Variants in DNAAF4 observed in about 807,000 individuals in gnomAD.
DNAAF4 encodes the protein dynein axonemal assembly factor 4.
In DNAAF4, 43 loss-of-function variants were observed where a neutral mutation model predicts 51.8. The ratio of observed to expected loss-of-function variants is 0.83; its 90% CI spans 0.65 to 1.07. DNAAF4 has a LOEUF of 1.07. DNAAF4 is among the 50% of genes least tolerant of loss of function. DNAAF4 has a pLI of 0.00. For missense variants in DNAAF4, 581 were observed against 493.0 expected (o/e 1.18, Z -1.69); for synonymous variants, 194 against 165.6 (o/e 1.17, Z -1.32).
intron 7 of DNAAF4, among the ~76,000 whole-genome samples, chr15:55,422,187 A>T (rs868284646): frequency 6.6e-6 from 1 of 152,248 alleles, no homozygotes; most frequent in South Asian, 2.1e-4. Context: ...GAAAAAACAT[A>T]AAATAGAGTT....
intron 6 of DNAAF4, chr15:55,443,321 C>A (rs2057744190): frequency 7.7e-6 from 9 of 1,161,582 alleles, no homozygotes; most frequent in Non-Finnish European, 3.7e-6. Flanking sequence ...CAAAGGGCCC[C>A]CAGCGTGCGG....
chr15:55,465,391 T>C (rs691844), intron 5 of DNAAF4, among the ~76,000 whole-genome samples: 72,121 of 147,764 alleles, frequency 0.49, 18,726 homozygotes, highest in East Asian at 0.77. Context: ...ATGGTGTATA[T>C]ATACACACAC....
chr15:55,501,142 C>T (rs1052904439), intron 1 of DNAAF4, among the ~76,000 whole-genome samples: 7 of 151,524 alleles, frequency 4.6e-5, no homozygotes, highest in Admixed American at 2.6e-4. Flanking sequence ...CGGCTCACTG[C>T]AACCTCCACC....
intron 4 of DNAAF4, among the ~76,000 whole-genome samples, chr15:55,489,322 T>G (rs2141581204): frequency 6.6e-6 from 1 of 152,140 alleles, no homozygotes; most frequent in East Asian, 1.9e-4. Flanking sequence ...AAGATGGAAT[T>G]AAGTATGCTA....
intron 5 of DNAAF4, among the ~76,000 whole-genome samples, chr15:55,454,474 T>C (rs1376780790): frequency 1.3e-5 from 2 of 151,390 alleles, no homozygotes. Flanking sequence ...GCCTCCCGGG[T>C]TCAAGCAATT....
intron 7 of DNAAF4, among the ~76,000 whole-genome samples, chr15:55,436,708 T>C (rs1415489676): frequency 6.6e-6 from 1 of 151,974 alleles, no homozygotes; most frequent in Admixed American, 6.6e-5. Context: ...TTAGTAGAAA[T>C]TGGGTTTCAC....
At chr15:55,450,780 T>C (rs543145409) in intron 5 of DNAAF4, among the ~76,000 whole-genome samples, 4 of 152,180 alleles carry the variant, frequency 2.6e-5, no homozygotes, top group Admixed American at 2.6e-4. Flanking sequence ...GTGTAAGAGG[T>C]TTTAGCCATC....
intron 1 of DNAAF4, among the ~76,000 whole-genome samples, chr15:55,501,013 A>T (rs111518876): frequency 0.55 from 78,605 of 142,406 alleles, 23,238 homozygotes; most frequent in African/African-American, 0.73. Flanking sequence ...AAAAAAAAAA[A>T]TGGAAACTTA....
intron 4 of DNAAF4, among the ~76,000 whole-genome samples, chr15:55,487,781 G>A (rs1190675167): frequency 6.6e-6 from 1 of 152,098 alleles, no homozygotes; most frequent in Non-Finnish European, 1.5e-5. Context: ...GGACACATTA[G>A]GATATTATTT....
At chr15:55,446,380 ATG>A (rs2057815464) in intron 6 of DNAAF4, among the ~76,000 whole-genome samples, 1 of 66,242 alleles carries the variant, frequency 1.5e-5, no homozygotes, top group Non-Finnish European at 2.7e-5. Context: ...ATCCCAGATG[ATG>A]GGCGGCCGGG....
At chr15:55,492,582 C>T (rs527947998) in intron 3 of DNAAF4, among the ~76,000 whole-genome samples, 23 of 152,016 alleles carry the variant, frequency 1.5e-4, no homozygotes, top group Non-Finnish European at 3.2e-4. Flanking sequence ...GCTCTGTTGC[C>T]AGGCTGGAGT....
chr15:55,495,934 T>C (rs187342068), intron 3 of DNAAF4, among the ~76,000 whole-genome samples: 1 of 152,154 alleles, frequency 6.6e-6, no homozygotes, highest in East Asian at 1.9e-4. Flanking sequence ...GCTTTAAAAC[T>C]GGGGATGTCA....
intron 7 of DNAAF4, among the ~76,000 whole-genome samples, chr15:55,439,235 G>A (rs2057667871): frequency 6.6e-6 from 1 of 152,094 alleles, no homozygotes; most frequent in Admixed American, 6.6e-5. Flanking sequence ...TGAGTAGCTG[G>A]GACTACAGGT....
chr15:55,462,322 A>G (rs957605563), intron 5 of DNAAF4, among the ~76,000 whole-genome samples: 2 of 152,032 alleles, frequency 1.3e-5, no homozygotes, highest in Non-Finnish European at 2.9e-5. Flanking sequence ...CTTCCCGAGT[A>G]GATGGGATTA....
Position 55,471,113 on chromosome 15 carries a change from G to A in DNAAF4, c.406-3952C>T, listed in dbSNP as rs573685002. On this transcript the variant is annotated intron_variant, in intron 4 of 9. Transcript: ENST00000321149. ...TGGGCTCAAGCGATCCTCCCACCTC[G>A]GCCTCCCAAAGTGCTGGAATTACAG... is the stretch of plus-strand genomic sequence containing the variant. Among the ~76,000 whole-genome samples the A allele has an allele frequency of 2.4e-4, 36 of 151,466 alleles. 2 individuals are homozygous for A. The highest frequency in any genetic ancestry group is 2.3e-3 in the South Asian group (11 of 4,766).
At chr15:55,464,742 C>T (rs1161577358) in intron 5 of DNAAF4, among the ~76,000 whole-genome samples, 3 of 152,074 alleles carry the variant, frequency 2.0e-5, no homozygotes, top group South Asian at 2.1e-4. Flanking sequence ...CTGAGGCAGG[C>T]GGATCACCTG....
chr15:55,419,167 C>T (rs1212257228), intron 7 of DNAAF4, among the ~76,000 whole-genome samples: 3 of 152,128 alleles, frequency 2.0e-5, no homozygotes, highest in African/African-American at 4.8e-5. Flanking sequence ...CCGCCTGCCT[C>T]GGCCACCCAA....
intron 7 of DNAAF4, 92 bp downstream of exon 7, chr15:55,439,380 G>T: frequency 9.1e-7 from 1 of 1,104,632 alleles, no homozygotes; most frequent in Non-Finnish European, 1.3e-6. Context: ...AAAGGGCTGG[G>T]ATTACAGGCA....
At chr15:55,426,862 C>T (rs1489902893), downstream of DNAAF4, among the ~76,000 whole-genome samples, 3 of 152,180 alleles carry the variant, frequency 2.0e-5, no homozygotes, top group Admixed American at 1.3e-4. Context: ...GAAGTTACAT[C>T]AACCAACCCA....
Sources: allele counts gnomAD v4.1 joint callset (sites outside exome capture counted in the v4.1 genomes callset), GRCh38; gene constraint gnomAD v4.1.1; transcripts MANE v1.5; gene names NCBI Gene and HGNC (gene_info 2026-07-23, HGNC 2026-07-21).